Variants in OPCML observed in about 807,000 individuals in gnomAD.
The protein encoded by OPCML is opioid-binding protein/cell adhesion molecule.
In OPCML, 13 loss-of-function variants were observed where a neutral mutation model predicts 37.8. That is an observed-to-expected ratio of 0.34 (90% CI 0.22 to 0.55). The LOEUF (loss-of-function observed/expected upper bound fraction) is 0.55. OPCML is among the 20% of genes least tolerant of loss of function. The pLI, the probability that OPCML is intolerant of heterozygous loss-of-function variation, is 0.91. For missense variants in OPCML, 341 were observed against 435.6 expected (o/e 0.78, Z 1.93); for synonymous variants, 176 against 168.8 (o/e 1.04, Z -0.33).
At chr11:132,533,509 T>C (rs1469367611) in intron 3 of OPCML, among the ~76,000 whole-genome samples, 1 of 152,116 alleles carries the variant, frequency 6.6e-6, no homozygotes, top group Non-Finnish European at 1.5e-5. Context: ...AATACCACAG[T>C]TATCTTTTAA....
At chr11:132,760,595 CT>C in intron 2 of OPCML, among the ~76,000 whole-genome samples, 1 of 128,898 alleles carries the variant, frequency 7.8e-6, no homozygotes, top group South Asian at 2.5e-4. Flanking sequence ...GGTTTAAAGT[CT>C]TTTTTATCAG....
chr11:132,812,954 T>A (rs954282825), intron 2 of OPCML, among the ~76,000 whole-genome samples: 1 of 152,210 alleles, frequency 6.6e-6, no homozygotes, highest in Non-Finnish European at 1.5e-5. Context: ...AACTTGAGGT[T>A]TGTACAGCTA....
At position 132,505,886 on chromosome 11, in the gene OPCML, T is replaced by G. The variant is rs187277318; in HGVS notation, c.505+23175A>C. ...AAATATTTAACACATGCCCACTTTCTGCGAAAAAAAAAAAAAATCTATGTG... is the reference window on the plus strand; with the variant it reads ...AAATATTTAACACATGCCCACTTTCGGCGAAAAAAAAAAAAAATCTATGTG... On this transcript the variant is annotated intron_variant, in intron 4 of 7. Coordinates refer to ENST00000524381, the MANE Select transcript of OPCML (RefSeq NM_001012393.5). 6.2e-5 allele frequency among the ~76,000 whole-genome samples: 9 copies of G among 144,076 alleles called. No individual in the cohort carries two copies. In the East Asian group the frequency reaches 1.8e-3, roughly 28 times the overall value. The allele number at this position is 144,076 out of a possible 152,430, so 94.5% of individuals were successfully genotyped here. A position where few individuals can be genotyped will look rare whatever the true frequency, so the allele number is the denominator to read the frequency against.
chr11:133,082,477 T>TC (rs1948742916), intron 1 of OPCML, among the ~76,000 whole-genome samples: 1 of 22,306 alleles, frequency 4.5e-5, no homozygotes, highest in East Asian at 2.0e-3. Context: ...CATCCTCCCC[T>TC]CCCCACGCTC....
At chr11:132,849,216 T>C (rs1458901234) in intron 2 of OPCML, among the ~76,000 whole-genome samples, 1 of 152,184 alleles carries the variant, frequency 6.6e-6, no homozygotes, top group Non-Finnish European at 1.5e-5. Context: ...GAAACTGATG[T>C]GAAGAGAGGA....
At chr11:133,057,670 G>T (rs1948265547) in intron 1 of OPCML, among the ~76,000 whole-genome samples, 1 of 152,156 alleles carries the variant, frequency 6.6e-6, no homozygotes, top group African/African-American at 2.4e-5. Context: ...GGACAGAAAT[G>T]ACTCCCACTG....
At chr11:133,071,675 C>T (rs888109370) in intron 1 of OPCML, among the ~76,000 whole-genome samples, 2 of 152,320 alleles carry the variant, frequency 1.3e-5, no homozygotes, top group Non-Finnish European at 2.9e-5. Flanking sequence ...CAAGTACTTT[C>T]TTGTCTGGCC....
chr11:133,233,629 T>C (rs1940385238), intron 1 of OPCML, among the ~76,000 whole-genome samples: 1 of 152,202 alleles, frequency 6.6e-6, no homozygotes, highest in Non-Finnish European at 1.5e-5. Flanking sequence ...CCTTTATCCT[T>C]TGTCTTGTCA....
intron 4 of OPCML, among the ~76,000 whole-genome samples, chr11:132,488,548 C>T (rs951162527): frequency 6.6e-6 from 1 of 152,136 alleles, no homozygotes. Flanking sequence ...ATGAATGGAG[C>T]TTGTAGGGCT....
chr11:133,033,938 C>T (rs1452827551), intron 1 of OPCML, among the ~76,000 whole-genome samples: 3 of 152,146 alleles, frequency 2.0e-5, no homozygotes, highest in Non-Finnish European at 4.4e-5. Flanking sequence ...ACTCTACATG[C>T]CAAATGCAGG....
chr11:133,486,253 T>C (rs1030789952), intron 1 of OPCML, among the ~76,000 whole-genome samples: 2 of 152,148 alleles, frequency 1.3e-5, no homozygotes, highest in African/African-American at 4.8e-5. Context: ...ATGACAAAAA[T>C]TGACTGTATT....
chr11:132,704,070 G>A (rs1943939030), intron 2 of OPCML, among the ~76,000 whole-genome samples: 1 of 152,122 alleles, frequency 6.6e-6, no homozygotes, highest in Admixed American at 6.6e-5. Flanking sequence ...AAAGGCCTGT[G>A]TCCTGTGTCT....
intron 1 of OPCML, among the ~76,000 whole-genome samples, chr11:133,052,419 G>A (rs539164138): frequency 6.6e-6 from 1 of 152,294 alleles, no homozygotes; most frequent in Non-Finnish European, 1.5e-5. Flanking sequence ...GGACTAAAGA[G>A]GTCACTGCCC....
rs2095937633 is a variant in OPCML at position 132,416,074 on chromosome 11, C to G, written c.*4119G>C. The G allele has an allele frequency of 6.6e-6, 1 of 152,338 alleles. No individual in the cohort carries two copies. Among genetic ancestry groups the G allele is most frequent in the Admixed American group, 6.6e-5 (1 of 15,258 alleles). 9.4% of individuals were successfully genotyped at this position (152,338 alleles called of 1,614,324 possible). A position where few individuals can be genotyped will look rare whatever the true frequency, so the allele number is the denominator to read the frequency against. On this transcript the variant is annotated 3_prime_UTR_variant, in exon 8 of 8. Transcript: ENST00000524381. ...AGAGTTTCCAAGATAAGGTCACGTGCAAAATGAAAACAAAAGATTCTTGCT... is the reference window on the plus strand; with the variant it reads ...AGAGTTTCCAAGATAAGGTCACGTGGAAAATGAAAACAAAAGATTCTTGCT...
At chr11:132,511,310 GC>G (rs1219800209) in intron 4 of OPCML, among the ~76,000 whole-genome samples, 1 of 152,032 alleles carries the variant, frequency 6.6e-6, no homozygotes, top group Non-Finnish European at 1.5e-5. Flanking sequence ...ATATTTTAAG[GC>G]TTGGAAAAAC....
At chr11:132,710,795 C>A (rs145748743) in intron 2 of OPCML, among the ~76,000 whole-genome samples, 1,722 of 151,706 alleles carry the variant, frequency 0.011, 37 homozygotes, top group African/African-American at 0.04. Flanking sequence ...GTGGAGGTTG[C>A]GGTGAGCTGA....
chr11:132,850,556 A>C (rs1008798260), intron 2 of OPCML, among the ~76,000 whole-genome samples: 3 of 149,904 alleles, frequency 2.0e-5, no homozygotes, highest in African/African-American at 7.6e-5. Context: ...TTTACACTTT[A>C]GTTCAGATTT....
At chr11:133,003,058 C>T (rs1170763809) in intron 1 of OPCML, among the ~76,000 whole-genome samples, 1 of 151,988 alleles carries the variant, frequency 6.6e-6, no homozygotes, top group Non-Finnish European at 1.5e-5. Flanking sequence ...CAGCATATGC[C>T]AGATATTGAA....
At chr11:133,288,848 G>A (rs117066750) in intron 1 of OPCML, among the ~76,000 whole-genome samples, 1 of 152,118 alleles carries the variant, frequency 6.6e-6, no homozygotes, top group African/African-American at 2.4e-5. Flanking sequence ...TCGGCCAAAG[G>A]CTCATGGTAA....
Sources: gnomAD v4.1 joint callset for allele counts (sites outside exome capture counted in the v4.1 genomes callset) on GRCh38, gnomAD v4.1.1 for gene constraint, MANE v1.5 for transcripts, NCBI Gene and HGNC (gene_info 2026-07-23, HGNC 2026-07-21) for gene names.